The following CNKSR2 variants were observed in gnomAD, a reference collection of about 807,000 sequenced individuals.
The protein encoded by CNKSR2 is connector enhancer of kinase suppressor of Ras 2, also known as CNK homolog protein 2.
CNKSR2 carries 14 observed loss-of-function variants against 84.4 expected under a neutral mutation model. The observed-to-expected ratio is 0.17, with a 90% CI of 0.11 to 0.26. The LOEUF (loss-of-function observed/expected upper bound fraction) is 0.26. Ranked by LOEUF, CNKSR2 falls within the 10% of genes least tolerant of loss-of-function variation. The pLI is 1.00. For synonymous variants in CNKSR2, 275 were observed against 277.9 expected, an observed-to-expected ratio of 0.99 and a Z score of 0.10; for missense variants, 485 against 771.2, an observed-to-expected ratio of 0.63 and a Z score of 4.40.
intron 3 of CNKSR2, among the ~76,000 whole-genome samples, chrX:21,439,922 A>T (rs902553313): frequency 2.7e-5 from 3 of 110,264 alleles, no homozygotes; most frequent in African/African-American, 9.9e-5. Flanking sequence ...TTTTTGAGGC[A>T]ATCATTATCC....
intron 4 of CNKSR2, among the ~76,000 whole-genome samples, chrX:21,450,660 C>T (rs2090916029): frequency 9.0e-6 from 1 of 111,230 alleles, no homozygotes; most frequent in Admixed American, 9.6e-5. Flanking sequence ...GCTTTGCACC[C>T]TTTATTTGAG....
intron 4 of CNKSR2, among the ~76,000 whole-genome samples, chrX:21,467,715 T>C (rs1234842150): frequency 9.0e-6 from 1 of 111,457 alleles, no homozygotes; most frequent in Non-Finnish European, 1.9e-5. Flanking sequence ...ATATGTGGCA[T>C]TTTTTTGGAC....
intron 13 of CNKSR2, among the ~76,000 whole-genome samples, chrX:21,587,053 C>T (rs187876598): frequency 1.2e-3 from 129 of 111,561 alleles, no homozygotes; most frequent in Non-Finnish European, 2.0e-3. Context: ...GTAACCTAGA[C>T]ACATAATAGT....
intron 9 of CNKSR2, among the ~76,000 whole-genome samples, chrX:21,517,283 G>C (rs2091737103): frequency 9.1e-6 from 1 of 110,199 alleles, no homozygotes; most frequent in Non-Finnish European, 1.9e-5. Flanking sequence ...TATGTGGGAG[G>C]CTGAGGCAGG....
At chrX:21,424,435 TC>T (rs1294269268) in intron 1 of CNKSR2, 5 of 111,562 alleles carry the variant, frequency 4.5e-5, no homozygotes, top group African/African-American at 9.8e-5. Flanking sequence ...TCCTCTCTGA[TC>T]CATTTTTGTT....
At chrX:21,610,067 A>G (rs892276019) in intron 20 of CNKSR2, among the ~76,000 whole-genome samples, 2 of 112,209 alleles carry the variant, frequency 1.8e-5, no homozygotes, top group Non-Finnish European at 3.8e-5. Flanking sequence ...ACATCTATAC[A>G]TATACATATT....
chrX:21,498,775 C>T lies in CNKSR2; in HGVS notation c.741+929C>T, dbSNP rs1408525190. On this transcript the variant is annotated intron_variant, in intron 7 of 21. Transcript: ENST00000379510. ...CTTGCATTTGGTTATTTCAGATTTC[C>T]ATTCTATTATTATATAAGCAGGTAC... 3.6e-5 allele frequency among the ~76,000 whole-genome samples: 4 copies of T among 111,061 alleles called. No homozygotes were observed. In the East Asian group the frequency reaches 1.1e-3, roughly 31 times the overall value.
chrX:21,568,094 C>A (rs917578393), intron 13 of CNKSR2, among the ~76,000 whole-genome samples: 13 of 111,026 alleles, frequency 1.2e-4, no homozygotes, highest in African/African-American at 3.6e-4. Flanking sequence ...TTGAGACCAA[C>A]CTGGACAACA....
At chrX:21,464,086 A>C (rs2091096109) in intron 4 of CNKSR2, among the ~76,000 whole-genome samples, 1 of 112,049 alleles carries the variant, frequency 8.9e-6, no homozygotes, top group Non-Finnish European at 1.9e-5. Context: ...GGGGCCCCAC[A>C]TCGCTGTAGC....
rs2091461498 is a variant in CNKSR2, at chrX:21,493,319, G to A, written c.681+2741G>A. 4 of 112,376 alleles carry A rather than the reference G, an allele frequency of 3.6e-5. No homozygotes were observed. The Admixed American group carries it at 3.8e-4, about 11-fold the overall frequency. 9.3% of individuals were successfully genotyped at this position (112,376 alleles called of 1,213,427 possible). ...AGAGCCAAGGCATGAGCCAAATAGAGAGGAAGGGACTGGGGTCATCCCTGG... is the reference window on the plus strand; with the variant it reads ...AGAGCCAAGGCATGAGCCAAATAGAAAGGAAGGGACTGGGGTCATCCCTGG... On this transcript the variant is annotated intron_variant, in intron 6 of 21. Transcript: ENST00000379510.
At chrX:21,486,275 T>C (rs890912723) in intron 5 of CNKSR2, among the ~76,000 whole-genome samples, 1 of 112,277 alleles carries the variant, frequency 8.9e-6, no homozygotes, top group African/African-American at 3.2e-5. Flanking sequence ...GCCATGTCTT[T>C]CACAGTCTCA....
At chrX:21,639,531 G>T (rs954204473) in intron 20 of CNKSR2, among the ~76,000 whole-genome samples, 2 of 111,526 alleles carry the variant, frequency 1.8e-5, no homozygotes, top group African/African-American at 6.5e-5. Flanking sequence ...ATTTACCAAG[G>T]CCTCTTTCAT....
At chrX:21,388,188 C>T (rs1357938842) in intron 1 of CNKSR2, among the ~76,000 whole-genome samples, 1 of 111,890 alleles carries the variant, frequency 8.9e-6, no homozygotes, top group African/African-American at 3.2e-5. Context: ...TATGAGCCAC[C>T]GCGCCAGGCC....
chrX:21,562,307 C>CA (rs200400270), intron 12 of CNKSR2, among the ~76,000 whole-genome samples: 1 of 110,930 alleles, frequency 9.0e-6, no homozygotes, highest in Non-Finnish European at 1.9e-5. Context: ...CAAATCAAAA[C>CA]AAAAAACTAT....
chrX:21,483,173 C>A (rs1403523048), intron 5 of CNKSR2, among the ~76,000 whole-genome samples: 1 of 111,345 alleles, frequency 9.0e-6, no homozygotes. Context: ...ACCCAAATGT[C>A]CAACAGTGAT....
intron 15 of CNKSR2, chrX:21,592,810 C>T (rs2092428916): frequency 9.1e-6 from 1 of 110,195 alleles, no homozygotes; most frequent in Admixed American, 9.9e-5. Flanking sequence ...CCTACAGTTT[C>T]ATTTAATAGA....
chrX:21,591,113 G>A lies in CNKSR2; in HGVS notation c.1749G>A (p.Ala583=), dbSNP rs1045082064. The change falls in exon 15 of 22, where the codon GCG becomes GCA. Residue 583 remains alanine, a synonymous_variant. Coordinates refer to ENST00000379510, the MANE Select transcript of CNKSR2 (RefSeq NM_014927.5). ...CEGWLWKKKD[A]KSYFSQKWKK... ...GCTGGCTTTGGAAAAAGAAAGATGC[G>A]AAGAGTTACTTTTCACAGAAATGGA... 6.6e-6 allele frequency: 8 copies of A among 1,206,676 alleles called. No individual in the cohort carries two copies. The highest frequency in any genetic ancestry group is 2.3e-4 in the Middle Eastern group (1 of 4,357).
At chrX:21,556,071 A>G in intron 11 of CNKSR2, among the ~76,000 whole-genome samples, 1 of 110,666 alleles carries the variant, frequency 9.0e-6, no homozygotes, top group Non-Finnish European at 1.9e-5. Flanking sequence ...CTTAGAAGGA[A>G]GGAAGAGGGA....
chrX:21,469,298 A>G (rs2091167618), intron 4 of CNKSR2, among the ~76,000 whole-genome samples: 1 of 112,068 alleles, frequency 8.9e-6, no homozygotes, highest in African/African-American at 3.2e-5. Flanking sequence ...CTCCTTTGGC[A>G]TATGAGTCCC....
Sources: gnomAD v4.1 joint callset for allele counts (sites outside exome capture counted in the v4.1 genomes callset) on GRCh38, gnomAD v4.1.1 for gene constraint, MANE v1.5 for transcripts, NCBI Gene and HGNC (gene_info 2026-07-23, HGNC 2026-07-21) for gene names.